MILR1: variants seen among roughly 807,000 people sequenced by gnomAD.
The protein encoded by MILR1 is mast cell immunoglobulin like receptor 1, also known as allergin-1.
Under a neutral mutation model 18.5 loss-of-function variants are expected in MILR1, and 31 were observed. The observed-to-expected ratio is 1.68, with a 90% CI of 1.26 to 2.26. MILR1 has a LOEUF of 2.26. Among genes scored for constraint, MILR1 ranks in the 30% most tolerant of loss-of-function variants. The pLI is 0.00. For synonymous variants in MILR1, 85 were observed against 56.2 expected (o/e 1.51, Z -2.30); for missense variants, 257 against 157.4 (o/e 1.63, Z -3.38).
In MILR1 at chr17:64,468,530, C is replaced by T. The variant is rs913190312; in HGVS notation, c.*249C>T. 53 of 762,362 alleles carry T rather than the reference C, an allele frequency of 7.0e-5. No homozygotes were observed. The highest frequency in any genetic ancestry group is 9.0e-5 in the Non-Finnish European group (51 of 566,678). 47.2% of individuals were successfully genotyped at this position (762,362 alleles called of 1,614,324 possible). A position where few individuals can be genotyped will look rare whatever the true frequency, so the allele number is the denominator to read the frequency against. ...TCTTGAACTCCTGACCTCAGATGAT[C>T]TGCCTGCCTCGGCCTCCCAAAGTGC... On this transcript the variant is annotated 3_prime_UTR_variant, in exon 10 of 10. Coordinates refer to ENST00000619286, the MANE Select transcript of MILR1 (RefSeq NM_001085423.2).
Position 64,466,612 on chromosome 17 carries a change from A to G in MILR1, c.929A>G (p.Glu310Gly), listed in dbSNP as rs1555663315. The G allele has an allele frequency of 6.2e-7, 1 of 1,611,464 alleles. No homozygotes were observed. The highest frequency in any genetic ancestry group is 8.5e-7 in the Non-Finnish European group (1 of 1,178,822). The change falls in exon 8 of 10, where the codon GAG (glutamate) becomes GGG (glycine). Residue 310 changes from glutamate (E) to glycine (G), a missense_variant. Transcript: ENST00000619286. ...TGCCCAGAGGCCAAACACTCCCAGG[A>G]GCTACAGTATGCCACCCCCGTGTTC... is the stretch of plus-strand genomic sequence containing the variant. The part of the protein sequence containing the change: ...TAQDEAKHSQ[E>G]LQYATPVFQE...
At chr17:64,485,504 C>A in the MILR1 span, 1 of 550,980 alleles carries the variant, frequency 1.8e-6, no homozygotes, top group South Asian at 2.1e-5. Context: ...CACAATTAAA[C>A]AGAAATGCCT....
the MILR1 span, chr17:64,496,731 T>C: frequency 6.2e-7 from 1 of 1,614,002 alleles, no homozygotes. Flanking sequence ...TTGCTTCCAC[T>C]TAGGAAATGC....
In MILR1 at chr17:64,467,625, A is replaced by G. The variant is rs782241734; in HGVS notation, c.*8A>G. 1 of 1,559,574 alleles carries G rather than the reference A, an allele frequency of 6.4e-7. No homozygotes were observed. The highest frequency in any genetic ancestry group is 8.7e-7 in the Non-Finnish European group (1 of 1,143,858). On this transcript the variant is annotated 3_prime_UTR_variant, in exon 9 of 10. Transcript: ENST00000619286. ...TCTGAACTCAACTTCTGAAATTTAC[A>G]GAAACAAACTACATCTCAGGGTAAG...
the MILR1 span, chr17:64,490,506 G>A: frequency 5.1e-6 from 2 of 391,808 alleles, no homozygotes; most frequent in Non-Finnish European, 9.5e-6. Context: ...TTGTTCATTT[G>A]AAGGAGTGTA....
At chr17:64,471,616 C>A (rs1322950209), downstream of MILR1, among the ~76,000 whole-genome samples, 2 of 152,186 alleles carry the variant, frequency 1.3e-5, no homozygotes, top group Non-Finnish European at 2.9e-5. Context: ...GTGGCAGATA[C>A]ACCACCTCCC....
chr17:64,452,388 G>A (rs2144005785), intron 2 of MILR1, among the ~76,000 whole-genome samples: 1 of 152,020 alleles, frequency 6.6e-6, no homozygotes, highest in East Asian at 1.9e-4. Flanking sequence ...TGAGTAGCTG[G>A]GATTACAGGT....
chr17:64,479,770 C>CA, the MILR1 span, among the ~76,000 whole-genome samples: 1 of 152,106 alleles, frequency 6.6e-6, no homozygotes, highest in East Asian at 1.9e-4. Flanking sequence ...AGCAAGCTGA[C>CA]AGCATTTGAT....
In MILR1 at chr17:64,467,859, C is replaced by G. The variant is rs192383176; in HGVS notation, c.*28+214C>G. On this transcript the variant is annotated intron_variant, in intron 9 of 9. Coordinates refer to ENST00000619286, the MANE Select transcript of MILR1 (RefSeq NM_001085423.2). ...CTGAGGCAGGAGAATCACTTGAGCC[C>G]GGGAGGCAGAGGTTGCAGTGAGCCA... 41 of 335,982 alleles carry G rather than the reference C, an allele frequency of 1.2e-4. No homozygotes were observed. In the East Asian group the frequency reaches 2.7e-3, roughly 22 times the overall value. The allele number at this position is 335,982 out of a possible 1,614,324, so 20.8% of individuals were successfully genotyped here.
At chr17:64,451,511 T>C (rs9797215) in intron 2 of MILR1, among the ~76,000 whole-genome samples, 47,051 of 152,004 alleles carry the variant, frequency 0.31, 8,540 homozygotes, top group Middle Eastern at 0.56. Flanking sequence ...AATTTGCAGT[T>C]GCCTCATTAC....
At chr17:64,497,033 C>T in the MILR1 span, 4 of 1,492,708 alleles carry the variant, frequency 2.7e-6, no homozygotes, top group Non-Finnish European at 9.2e-7. Context: ...CCACCACTAC[C>T]GTTAACAGAA....
intron 4 of MILR1, among the ~76,000 whole-genome samples, chr17:64,459,543 C>T (rs1286721659): frequency 2.6e-5 from 4 of 152,162 alleles, no homozygotes; most frequent in African/African-American, 9.7e-5. Flanking sequence ...AGAACAGAGC[C>T]CACGCCCTGG....
the MILR1 span, among the ~76,000 whole-genome samples, chr17:64,490,047 C>T: frequency 2.0e-5 from 3 of 151,982 alleles, no homozygotes; most frequent in African/African-American, 7.3e-5. Flanking sequence ...GCCTCAGCCT[C>T]CCAAGTAGCT....
intron 4 of MILR1, 119 bp downstream of exon 4, chr17:64,457,803 G>A (rs2037334547): frequency 6.6e-6 from 3 of 457,228 alleles, no homozygotes; most frequent in Admixed American, 3.2e-5. Context: ...TTCTGAAGGT[G>A]CATTTGTCAA....
the MILR1 span, chr17:64,490,794 A>G: frequency 4.4e-6 from 7 of 1,608,844 alleles, no homozygotes; most frequent in Non-Finnish European, 6.0e-6. Context: ...GGTAAAACAT[A>G]CATGTAATTT....
chr17:64,468,377 C>T lies in MILR1; in HGVS notation c.*96C>T. 1 of 447,842 alleles carries T rather than the reference C, an allele frequency of 2.2e-6. No homozygotes were observed. The highest frequency in any genetic ancestry group is 4.5e-6 in the Non-Finnish European group (1 of 223,988). The allele number at this position is 447,842 out of a possible 1,614,324, so 27.7% of individuals were successfully genotyped here. ...GATCTTGGCTCACTTCAATCTCCAT[C>T]TTCCCAGTTCAAGCGATTCTCATGC... On this transcript the variant is annotated 3_prime_UTR_variant, in exon 10 of 10. Coordinates refer to ENST00000619286, the MANE Select transcript of MILR1 (RefSeq NM_001085423.2).
chr17:64,469,853 T>C (rs1457445614), downstream of MILR1, among the ~76,000 whole-genome samples: 1 of 152,148 alleles, frequency 6.6e-6, no homozygotes, highest in African/African-American at 2.4e-5. Flanking sequence ...AGGAACTGCC[T>C]TTACCCTGTC....
At chr17:64,453,419 G>A (rs897882039) in intron 3 of MILR1, among the ~76,000 whole-genome samples, 2 of 151,474 alleles carry the variant, frequency 1.3e-5, no homozygotes, top group African/African-American at 2.4e-5. Flanking sequence ...AAAGACTTTC[G>A]ACCATGTCAG....
chr17:64,494,637 A>G, the MILR1 span, among the ~76,000 whole-genome samples: 17 of 151,888 alleles, frequency 1.1e-4, no homozygotes, highest in African/African-American at 4.1e-4. Flanking sequence ...ATTGACTCTT[A>G]GATTTTAGTC....
Sources: gnomAD v4.1 joint callset for allele counts (sites outside exome capture counted in the v4.1 genomes callset) on GRCh38, gnomAD v4.1.1 for gene constraint, MANE v1.5 for transcripts, NCBI Gene and HGNC (gene_info 2026-07-23, HGNC 2026-07-21) for gene names.